Variants in SGCZ observed in about 807,000 individuals in gnomAD.
SGCZ encodes the protein zeta-sarcoglycan.
Under a neutral mutation model 41.3 loss-of-function variants are expected in SGCZ, and 40 were observed. The ratio of observed to expected loss-of-function variants is 0.97; its 90% CI spans 0.75 to 1.26. The LOEUF (loss-of-function observed/expected upper bound fraction) is 1.26. SGCZ is among the 50% of genes most tolerant of loss of function. The pLI is 0.00. For synonymous variants in SGCZ, 206 were observed against 137.5 expected (o/e 1.50, Z -3.49); for missense variants, 552 against 369.8 (o/e 1.49, Z -4.04).
chr8:14,597,644 AT>A (rs1369695485), intron 1 of SGCZ, among the ~76,000 whole-genome samples: 2 of 151,922 alleles, frequency 1.3e-5, no homozygotes, highest in African/African-American at 4.8e-5. Flanking sequence ...TGCCCGGCTA[AT>A]TTTGTATTTT....
intron 2 of SGCZ, among the ~76,000 whole-genome samples, chr8:14,344,649 G>T (rs1585388214): frequency 6.6e-6 from 1 of 152,140 alleles, no homozygotes; most frequent in East Asian, 1.9e-4. Context: ...CAATCTGATG[G>T]TGACATGAAT....
intron 1 of SGCZ, among the ~76,000 whole-genome samples, chr8:15,167,573 C>G (rs268406): frequency 2.6e-5 from 4 of 152,032 alleles, no homozygotes; most frequent in African/African-American, 9.7e-5. Context: ...CAAAAGGCCT[C>G]TGCAGAAATA....
At chr8:15,199,559 G>A (rs994698771) in intron 1 of SGCZ, among the ~76,000 whole-genome samples, 2 of 152,046 alleles carry the variant, frequency 1.3e-5, no homozygotes, top group Admixed American at 1.3e-4. Flanking sequence ...AAGCATGAAG[G>A]AAATTATGGC....
intron 2 of SGCZ, among the ~76,000 whole-genome samples, chr8:14,393,364 G>C (rs1804852994): frequency 1.3e-5 from 2 of 151,996 alleles, no homozygotes; most frequent in African/African-American, 4.8e-5. Context: ...ACTAGGACTA[G>C]ACATGTTCAA....
intron 3 of SGCZ, among the ~76,000 whole-genome samples, chr8:14,268,119 G>A (rs1799938927): frequency 6.7e-6 from 1 of 150,248 alleles, no homozygotes; most frequent in Admixed American, 6.7e-5. Flanking sequence ...AATATATATT[G>A]TATCTTTGAA....
intron 1 of SGCZ, among the ~76,000 whole-genome samples, chr8:14,796,721 T>C (rs998304672): frequency 3.3e-5 from 5 of 152,158 alleles, no homozygotes; most frequent in African/African-American, 1.2e-4. Flanking sequence ...AAAACTGTAT[T>C]AGCCATGTGT....
At chr8:14,279,207 G>A (rs1334657276) in intron 3 of SGCZ, among the ~76,000 whole-genome samples, 1 of 151,954 alleles carries the variant, frequency 6.6e-6, no homozygotes, top group Non-Finnish European at 1.5e-5. Flanking sequence ...AAGGGGAAAA[G>A]TAGAGTTTAC....
intron 7 of SGCZ, among the ~76,000 whole-genome samples, chr8:14,096,445 G>C (rs899322635): frequency 6.6e-6 from 1 of 152,168 alleles, no homozygotes; most frequent in Non-Finnish European, 1.5e-5. Context: ...TTGCATCCCA[G>C]GGATGAAGCC....
At chr8:14,870,887 C>T (rs1012956302) in intron 1 of SGCZ, among the ~76,000 whole-genome samples, 9 of 152,070 alleles carry the variant, frequency 5.9e-5, no homozygotes, top group African/African-American at 1.2e-4. Context: ...TACCATCTCA[C>T]GCCAGTCAGA....
intron 5 of SGCZ, among the ~76,000 whole-genome samples, chr8:14,117,407 T>A (rs1301566006): frequency 2.1e-5 from 2 of 96,878 alleles, no homozygotes; most frequent in Non-Finnish European, 4.3e-5. Context: ...GATGCACACA[T>A]CTGTGTGTGT....
At chr8:14,314,126 TAAG>T (rs1032812772) in intron 3 of SGCZ, among the ~76,000 whole-genome samples, 2 of 152,158 alleles carry the variant, frequency 1.3e-5, no homozygotes, top group South Asian at 2.1e-4. Flanking sequence ...AAATACGCAG[TAAG>T]AAGAACTCCT....
intron 5 of SGCZ, among the ~76,000 whole-genome samples, chr8:14,137,242 G>A (rs1039730974): frequency 6.6e-6 from 1 of 152,208 alleles, no homozygotes. Context: ...CAGAAAAGCT[G>A]AAAATTTAAA....
intron 1 of SGCZ, among the ~76,000 whole-genome samples, chr8:14,722,006 A>T (rs61471953): frequency 0.091 from 13,822 of 152,056 alleles, 1,386 homozygotes; most frequent in African/African-American, 0.25. Context: ...GATTCTCCCC[A>T]TCATTTCATT....
chr8:14,432,703 C>T (rs1425447396), intron 2 of SGCZ, among the ~76,000 whole-genome samples: 2 of 151,958 alleles, frequency 1.3e-5, no homozygotes, highest in African/African-American at 4.8e-5. Flanking sequence ...CACCTGAGGT[C>T]GGGAGTTCGA....
intron 1 of SGCZ, among the ~76,000 whole-genome samples, chr8:14,988,711 T>C (rs138729174): frequency 9.3e-4 from 141 of 152,286 alleles, no homozygotes; most frequent in African/African-American, 3.3e-3. Flanking sequence ...TCAATACATC[T>C]TAATAGAAAT....
intron 1 of SGCZ, among the ~76,000 whole-genome samples, chr8:15,076,753 C>CTCT (rs566416257): frequency 7.0e-6 from 1 of 143,742 alleles, no homozygotes; most frequent in African/African-American, 2.7e-5. Context: ...AAGTCTCTCT[C>CTCT]ATTTTTTTTT....
chr8:14,855,252 G>T (rs1346923773), intron 1 of SGCZ, among the ~76,000 whole-genome samples: 1 of 151,936 alleles, frequency 6.6e-6, no homozygotes, highest in Admixed American at 6.6e-5. Flanking sequence ...ATTTCACCAT[G>T]TTGGCCAGGC....
chr8:14,391,218 TGTC>T (rs573125093), intron 2 of SGCZ, among the ~76,000 whole-genome samples: 63 of 152,182 alleles, frequency 4.1e-4, no homozygotes, highest in Non-Finnish European at 8.4e-4. Context: ...AATGATCTTC[TGTC>T]ATCATCAATG....
intron 1 of SGCZ, among the ~76,000 whole-genome samples, chr8:14,695,589 C>T (rs980099310): frequency 2.6e-5 from 4 of 152,004 alleles, no homozygotes; most frequent in African/African-American, 9.7e-5. Context: ...AATTATCTTC[C>T]TTACAGCAAC....
Sources: allele counts gnomAD v4.1 joint callset (sites outside exome capture counted in the v4.1 genomes callset), GRCh38; gene constraint gnomAD v4.1.1; transcripts MANE v1.5; gene names NCBI Gene and HGNC (gene_info 2026-07-23, HGNC 2026-07-21).